The following CRACDL variants were observed in gnomAD, a reference collection of about 807,000 sequenced individuals.
CRACDL encodes the protein CRACD like.
In CRACDL, 26 loss-of-function variants were observed where a neutral mutation model predicts 70.6. The ratio of observed to expected loss-of-function variants is 0.37; its 90% CI spans 0.27 to 0.51. CRACDL has a LOEUF of 0.51. Among genes scored for constraint, CRACDL ranks in the 20% least tolerant of loss-of-function variants. The probability of loss-of-function intolerance (pLI) is 0.94; values close to 1 mark genes in which losing one functional copy is unlikely to be tolerated. For missense variants in CRACDL, 1,283 were observed against 1,376.9 expected (o/e 0.93, Z 1.08); for synonymous variants, 618 against 615.2 (o/e 1.00, Z -0.07).
chr2:98,798,107 G>A (rs906258536), intron 7 of CRACDL, among the ~76,000 whole-genome samples: 9 of 152,188 alleles, frequency 5.9e-5, no homozygotes, highest in African/African-American at 1.7e-4. Flanking sequence ...TCTCTGGAAG[G>A]CCAAGAGGGG....
At chr2:98,900,076 T>G (rs13014548) in intron 1 of CRACDL, among the ~76,000 whole-genome samples, 39 of 31,392 alleles carry the variant, frequency 1.2e-3, no homozygotes, top group African/African-American at 1.9e-3. Context: ...GGGAGGCAGA[T>G]GGACAGAGGC....
chr2:98,911,173 A>C (rs562882289), intron 1 of CRACDL, among the ~76,000 whole-genome samples: 80 of 152,218 alleles, frequency 5.3e-4, no homozygotes, highest in Non-Finnish European at 9.6e-4. Flanking sequence ...TCTGGGCCTC[A>C]AGTATCTCGT....
intron 1 of CRACDL, among the ~76,000 whole-genome samples, chr2:98,880,616 G>C (rs935178794): frequency 4.6e-5 from 7 of 152,134 alleles, no homozygotes; most frequent in African/African-American, 1.2e-4. Flanking sequence ...CTGCCCCTGG[G>C]TTAGTAAGAG....
In CRACDL at chr2:98,823,613, A is replaced by G. The variant is rs1705191265; in HGVS notation, c.736-76T>C. 6.6e-7 allele frequency: 1 copy of G among 1,516,390 alleles called. No homozygotes were observed. 93.9% of individuals were successfully genotyped at this position (1,516,390 alleles called of 1,614,324 possible). On this transcript the variant is annotated intron_variant, in intron 6 of 9. Coordinates refer to ENST00000397899, the MANE Select transcript of CRACDL (RefSeq NM_207362.3). This position sits in a 1 kb window ranked among gnomAD's most constrained non-coding sequence, Gnocchi z 4.0. Reference sequence around the variant, plus strand: ...GCCTGTCACCTCCCCACTTTTTTCAAGGCTTATAATGGTTTAGTGATAGCA... The same window carrying G: ...GCCTGTCACCTCCCCACTTTTTTCAGGGCTTATAATGGTTTAGTGATAGCA...
intron 5 of CRACDL, among the ~76,000 whole-genome samples, chr2:98,830,797 G>C (rs1188721401): frequency 6.6e-6 from 1 of 152,160 alleles, no homozygotes; most frequent in Non-Finnish European, 1.5e-5. Flanking sequence ...TGGGTTTGGA[G>C]ATAGGCTTGC....
intron 1 of CRACDL, among the ~76,000 whole-genome samples, chr2:98,917,114 T>A (rs886488153): frequency 2.6e-5 from 4 of 152,192 alleles, no homozygotes; most frequent in African/African-American, 7.2e-5. Flanking sequence ...CCTGCCTTCT[T>A]CATTTAGCCT....
At chr2:98,913,763 G>C (rs75033270) in intron 1 of CRACDL, among the ~76,000 whole-genome samples, 1 of 152,218 alleles carries the variant, frequency 6.6e-6, no homozygotes, top group Non-Finnish European at 1.5e-5. Flanking sequence ...CTCCCCAGTC[G>C]TTAGAATGAA....
At chr2:98,821,823 C>T in intron 7 of CRACDL, 34 bp downstream of exon 7, 2 of 1,603,448 alleles carry the variant, frequency 1.2e-6, no homozygotes, top group Non-Finnish European at 1.7e-6. Flanking sequence ...TCTCCCCAGG[C>T]CCTGCCCTTC....
At chr2:98,856,681 C>A (rs1261757980) in intron 1 of CRACDL, among the ~76,000 whole-genome samples, 2 of 151,954 alleles carry the variant, frequency 1.3e-5, no homozygotes, top group African/African-American at 4.8e-5. Flanking sequence ...GTATATTTGA[C>A]AATAACAACA....
At chr2:98,921,816 G>A (rs1052106198) in intron 1 of CRACDL, among the ~76,000 whole-genome samples, 5 of 152,128 alleles carry the variant, frequency 3.3e-5, no homozygotes, top group South Asian at 2.1e-4. Flanking sequence ...CCAAGCCACC[G>A]GCCAGCCCCT....
At chr2:98,907,593 C>A (rs1435898004) in intron 1 of CRACDL, among the ~76,000 whole-genome samples, 3 of 152,208 alleles carry the variant, frequency 2.0e-5, no homozygotes, top group African/African-American at 2.4e-5. Context: ...GCTCAGCTCT[C>A]TGGTGGCCTC....
intron 1 of CRACDL, among the ~76,000 whole-genome samples, chr2:98,889,308 A>AAAGAAAGAAAG (rs1226059752): frequency 1.8e-4 from 10 of 54,876 alleles, no homozygotes; most frequent in Non-Finnish European, 3.1e-4. Context: ...AGAAAGAAAG[A>AAAGAAAGAAAG]AAGAAAGAAA....
At chr2:98,865,924 C>T (rs1383176278) in intron 1 of CRACDL, among the ~76,000 whole-genome samples, 7 of 151,830 alleles carry the variant, frequency 4.6e-5, no homozygotes, top group Non-Finnish European at 1.0e-4. Flanking sequence ...CCTCAGCCTC[C>T]TGGGCAGCTG....
At chr2:98,796,843 T>G (rs139738023) in intron 8 of CRACDL, among the ~76,000 whole-genome samples, 1 of 152,142 alleles carries the variant, frequency 6.6e-6, no homozygotes, top group Admixed American at 6.5e-5. Context: ...TGCCTTCAAT[T>G]CAGAGTACAA....
chr2:98,866,472 C>CTTTTT lies in CRACDL; in HGVS notation c.-10-19663_-10-19662insAAAAA, dbSNP rs869154325. 5.6e-5 allele frequency among the ~76,000 whole-genome samples: 6 copies of CTTTTT among 107,812 alleles called. 1 individual carries two copies. Among genetic ancestry groups the CTTTTT allele is most frequent in the Admixed American group, 1.1e-4 (1 of 9,086 alleles). 70.7% of individuals were successfully genotyped at this position (107,812 alleles called of 152,430 possible). On this transcript the variant is annotated intron_variant, in intron 1 of 9. Transcript: ENST00000397899. ...CACCTGATAGATGAAACAATCACTT[C>CTTTTT]TTCTTTTTTTTTTTTTTTTTTTTTT... is the stretch of plus-strand genomic sequence containing the variant.
chr2:98,874,920 C>T (rs1265171168), intron 1 of CRACDL, among the ~76,000 whole-genome samples: 1 of 152,164 alleles, frequency 6.6e-6, no homozygotes, highest in Non-Finnish European at 1.5e-5. Flanking sequence ...GTTCCTCTGG[C>T]CATCTCCAAG....
chr2:98,817,171 G>A (rs899222740), intron 7 of CRACDL, among the ~76,000 whole-genome samples: 2 of 152,156 alleles, frequency 1.3e-5, no homozygotes, highest in Admixed American at 1.3e-4. Context: ...CAATTGAAGA[G>A]CGGAAAGGTG....
intron 5 of CRACDL, among the ~76,000 whole-genome samples, chr2:98,830,448 A>G (rs1705493621): frequency 1.3e-5 from 2 of 152,168 alleles, no homozygotes; most frequent in African/African-American, 4.8e-5. Context: ...ATTACATCAA[A>G]TACCACATAT....
At chr2:98,878,670 C>T (rs951880978) in intron 1 of CRACDL, among the ~76,000 whole-genome samples, 4 of 152,170 alleles carry the variant, frequency 2.6e-5, no homozygotes, top group Admixed American at 2.6e-4. Flanking sequence ...GAAACAGGTA[C>T]AGGAGCTGAG....
Sources: allele counts gnomAD v4.1 joint callset (sites outside exome capture counted in the v4.1 genomes callset), GRCh38; gene constraint gnomAD v4.1.1; non-coding constraint Gnocchi (gnomAD v3.1); transcripts MANE v1.5; gene names NCBI Gene and HGNC (gene_info 2026-07-23, HGNC 2026-07-21).